GOLGA7B: variants seen among roughly 807,000 people sequenced by gnomAD.
The protein encoded by GOLGA7B is golgin subfamily A member 7B.
In GOLGA7B, 17 loss-of-function variants were observed where a neutral mutation model predicts 21.5. The observed-to-expected ratio is 0.79, with a 90% CI of 0.54 to 1.19. The LOEUF (loss-of-function observed/expected upper bound fraction) is 1.19, where lower values mean the gene tolerates loss of function less well. Ranked by LOEUF, GOLGA7B falls within the 50% of genes most tolerant of loss-of-function variation. The pLI, the probability that GOLGA7B is intolerant of heterozygous loss-of-function variation, is 0.00. For synonymous variants in GOLGA7B, 87 were observed against 84.0 expected (o/e 1.04, Z -0.19); for missense variants, 169 against 224.4 (o/e 0.75, Z 1.58).
chr10:97,860,699 T>C (rs2049965989), intron 2 of GOLGA7B, among the ~76,000 whole-genome samples: 3 of 152,210 alleles, frequency 2.0e-5, no homozygotes, highest in Non-Finnish European at 4.4e-5. Flanking sequence ...AATTCCCAGG[T>C]GAATCAGAAT....
rs114750996 is a variant in GOLGA7B, at chr10:97,866,191, C to T, written c.*491C>T. 0.011 allele frequency: 1,768 copies of T among 156,972 alleles called. 35 individuals carry two copies. The highest frequency in any genetic ancestry group is 0.038 in the African/African-American group (1,571 of 41,710). The allele number at this position is 156,972 out of a possible 1,614,324, so 9.7% of individuals were successfully genotyped here. A position where few individuals can be genotyped will look rare whatever the true frequency, so the allele number is the denominator to read the frequency against. On this transcript the variant is annotated 3_prime_UTR_variant, in exon 5 of 5. Coordinates refer to ENST00000370602, the MANE Select transcript of GOLGA7B (RefSeq NM_001010917.3). The stretch of plus-strand genomic sequence containing the variant: ...TTCCTTCTCATGCCCCTGCAGGGCC[C>T]CGGCCTGTCTATGATCCTGCCTCCA...
intron 2 of GOLGA7B, 42 bp downstream of exon 2, chr10:97,859,625 T>C: frequency 6.2e-7 from 1 of 1,605,110 alleles, no homozygotes; most frequent in Non-Finnish European, 8.5e-7. Context: ...AGGGCTGTGA[T>C]GGAACTGAGG....
rs184315087 is a variant in GOLGA7B, at chr10:97,864,720, C to T, written c.393+451C>T. ...TTACAGGTCCACAGTCTCATGCAAT[C>T]CTCATGGAATCTCCCGTGGCAGGTC... On this transcript the variant is annotated intron_variant, in intron 4 of 4. Transcript: ENST00000370602. Among the ~76,000 whole-genome samples, 45 of 152,254 alleles carry T rather than the reference C, an allele frequency of 3.0e-4. No homozygotes were observed. The Middle Eastern group carries it at 0.014, about 46-fold the overall frequency.
At chr10:97,851,040 C>G (rs1034426330) in intron 1 of GOLGA7B, among the ~76,000 whole-genome samples, 1 of 152,062 alleles carries the variant, frequency 6.6e-6, no homozygotes, top group African/African-American at 2.4e-5. Context: ...ATTCCCCCCT[C>G]TACCCCTAGG....
intron 2 of GOLGA7B, 77 bp from the exon 3 acceptor site, chr10:97,863,853 T>G (rs2049988270): frequency 6.8e-7 from 1 of 1,466,880 alleles, no homozygotes; most frequent in South Asian, 1.3e-5. Context: ...GCCCCACCAT[T>G]GTCACTTCCA....
In GOLGA7B at chr10:97,865,812, G is replaced by C; in HGVS notation, c.*112G>C. 7.3e-7 allele frequency: 1 copy of C among 1,367,692 alleles called. No homozygotes were observed. Among genetic ancestry groups the C allele is most frequent in the Non-Finnish European group, 9.6e-7 (1 of 1,038,360 alleles). The allele number at this position is 1,367,692 out of a possible 1,614,324, so 84.7% of individuals were successfully genotyped here. ...CTGAGTCATTCTTTGGGCTCACCCT[G>C]CTGCCCGGGGTGGGAGGGAGGGTGA... On this transcript the variant is annotated 3_prime_UTR_variant, in exon 5 of 5. Coordinates refer to ENST00000370602, the MANE Select transcript of GOLGA7B (RefSeq NM_001010917.3).
intron 2 of GOLGA7B, 60 bp from the exon 3 acceptor site, chr10:97,863,870 C>T: frequency 3.2e-6 from 5 of 1,538,554 alleles, no homozygotes; most frequent in South Asian, 1.2e-5. Flanking sequence ...TCCAGCCCTA[C>T]CTGTGACTGT....
In GOLGA7B at chr10:97,869,621, G is replaced by A. The variant is rs1480647994; in HGVS notation, c.*3921G>A. 1 of 152,318 alleles carries A rather than the reference G, an allele frequency of 6.6e-6. No homozygotes were observed. The highest frequency in any genetic ancestry group is 1.5e-5 in the Non-Finnish European group (1 of 68,088). The allele number at this position is 152,318 out of a possible 1,614,324, so 9.4% of individuals were successfully genotyped here. A position where few individuals can be genotyped will look rare whatever the true frequency, so the allele number is the denominator to read the frequency against. On this transcript the variant is annotated 3_prime_UTR_variant, in exon 5 of 5. Transcript: ENST00000370602. ...ACCACAGGGTTTACAGAAGCTCGAGGTGCCACTGAGTGGCAGGATTATGCA... is the reference window on the plus strand; with the variant it reads ...ACCACAGGGTTTACAGAAGCTCGAGATGCCACTGAGTGGCAGGATTATGCA...
chr10:97,865,339 G>A (rs537538189), intron 4 of GOLGA7B: 152 of 504,004 alleles, frequency 3.0e-4, no homozygotes, highest in Middle Eastern at 1.1e-3. Flanking sequence ...TCAGGGCAGC[G>A]ACCCTGTCTG....
Position 97,865,756 on chromosome 10 carries a change from T to C in GOLGA7B, c.*56T>C, listed in dbSNP as rs372046105. 4.3e-4 allele frequency: 584 copies of C among 1,372,904 alleles called. 1 individual carries two copies. The Middle Eastern group carries it at 5.8e-3, about 14-fold the overall frequency. 85.0% of individuals were successfully genotyped at this position (1,372,904 alleles called of 1,614,324 possible). ...GGCCGGAGTGAGGGCCTTGCAGACC[T>C]GCGGCGGCTGCGCTACCAGAGCACC... On this transcript the variant is annotated 3_prime_UTR_variant, in exon 5 of 5. Coordinates refer to ENST00000370602, the MANE Select transcript of GOLGA7B (RefSeq NM_001010917.3).
Position 97,865,762 on chromosome 10 carries a change from G to T in GOLGA7B, c.*62G>T. On this transcript the variant is annotated 3_prime_UTR_variant, in exon 5 of 5. Transcript: ENST00000370602. ...AGTGAGGGCCTTGCAGACCTGCGGCGGCTGCGCTACCAGAGCACCCGCTTC... is the reference window on the plus strand; with the variant it reads ...AGTGAGGGCCTTGCAGACCTGCGGCTGCTGCGCTACCAGAGCACCCGCTTC... The T allele has an allele frequency of 6.6e-7, 1 of 1,517,944 alleles. No individual in the cohort carries two copies. Among genetic ancestry groups the T allele is most frequent in the Non-Finnish European group, 8.8e-7 (1 of 1,131,918 alleles). 94.0% of individuals were successfully genotyped at this position (1,517,944 alleles called of 1,614,324 possible).
At chr10:97,858,819 G>T (rs1456322264) in intron 1 of GOLGA7B, among the ~76,000 whole-genome samples, 1 of 152,186 alleles carries the variant, frequency 6.6e-6, no homozygotes, top group Non-Finnish European at 1.5e-5. Context: ...TGAGTTCAGG[G>T]GTACCTCAGG....
intron 1 of GOLGA7B, among the ~76,000 whole-genome samples, chr10:97,855,152 A>C (rs2049927481): frequency 6.6e-6 from 1 of 152,246 alleles, no homozygotes; most frequent in South Asian, 2.1e-4. Flanking sequence ...ACACGCCTTC[A>C]GGACAGCACA....
At chr10:97,861,369 G>A (rs141938855) in intron 2 of GOLGA7B, among the ~76,000 whole-genome samples, 10 of 152,310 alleles carry the variant, frequency 6.6e-5, no homozygotes, top group South Asian at 4.1e-4. Flanking sequence ...TCACAGTCTC[G>A]CAGGGAAAGC....
intron 1 of GOLGA7B, among the ~76,000 whole-genome samples, chr10:97,857,164 G>C (rs2049940064): frequency 6.6e-6 from 1 of 152,148 alleles, no homozygotes; most frequent in Admixed American, 6.5e-5. Flanking sequence ...CCAATATCCA[G>C]AAGAGTTTTT....
intron 1 of GOLGA7B, among the ~76,000 whole-genome samples, chr10:97,851,620 G>A (rs2049906209): frequency 6.6e-6 from 1 of 152,262 alleles, no homozygotes; most frequent in African/African-American, 2.4e-5. Context: ...AAACCAAGGA[G>A]TTGGTTACCT....
At position 97,870,799 on chromosome 10, in the gene GOLGA7B, G is replaced by A. The variant is rs1225284421; in HGVS notation, c.*5099G>A. On this transcript the variant is annotated 3_prime_UTR_variant, in exon 5 of 5. Coordinates refer to ENST00000370602, the MANE Select transcript of GOLGA7B (RefSeq NM_001010917.3). ...CTGCTGTGGGTGGGCCCTCTAAAAG[G>A]GAAGGTCCCTGATGCCTAAGAAAAT... 1 of 151,930 alleles carries A rather than the reference G, an allele frequency of 6.6e-6. No homozygotes were observed. The highest frequency in any genetic ancestry group is 1.9e-4 in the East Asian group (1 of 5,180). The allele number at this position is 151,930 out of a possible 1,614,324, so 9.4% of individuals were successfully genotyped here. A position where few individuals can be genotyped will look rare whatever the true frequency, so the allele number is the denominator to read the frequency against.
Position 97,870,630 on chromosome 10 carries a change from G to T in GOLGA7B, c.*4930G>T, listed in dbSNP as rs1182191193. 6.6e-6 allele frequency: 1 copy of T among 152,050 alleles called. No individual in the cohort carries two copies. Among genetic ancestry groups the T allele is most frequent in the East Asian group, 1.9e-4 (1 of 5,194 alleles). The allele number at this position is 152,050 out of a possible 1,614,324, so 9.4% of individuals were successfully genotyped here. A position where few individuals can be genotyped will look rare whatever the true frequency, so the allele number is the denominator to read the frequency against. Reference sequence around the variant, plus strand: ...ATAAAATTCACCAGAAAAGCCTGTTGGCTACAAAATAGGAAAAGAAAGGAC... The same window carrying T: ...ATAAAATTCACCAGAAAAGCCTGTTTGCTACAAAATAGGAAAAGAAAGGAC... On this transcript the variant is annotated 3_prime_UTR_variant, in exon 5 of 5. Coordinates refer to ENST00000370602, the MANE Select transcript of GOLGA7B (RefSeq NM_001010917.3).
chr10:97,856,684 C>T (rs57308233), intron 1 of GOLGA7B, among the ~76,000 whole-genome samples: 2,481 of 152,274 alleles, frequency 0.016, 57 homozygotes, highest in African/African-American at 0.044. Flanking sequence ...AGAGGTTGAA[C>T]TAATTTACAT....
Sources: allele counts gnomAD v4.1 joint callset (sites outside exome capture counted in the v4.1 genomes callset), GRCh38; gene constraint gnomAD v4.1.1; transcripts MANE v1.5; gene names NCBI Gene and HGNC (gene_info 2026-07-23, HGNC 2026-07-21).